The following AKAP6 variants were observed in gnomAD, a reference collection of about 807,000 sequenced individuals.
AKAP6 encodes A-kinase anchor protein 6.
AKAP6 carries 58 observed loss-of-function variants against 188.5 expected under a neutral mutation model. The observed-to-expected ratio is 0.31, with a 90% confidence interval of 0.25 to 0.38. The LOEUF (loss-of-function observed/expected upper bound fraction) is 0.38, where lower values mean the gene tolerates loss of function less well. Among genes scored for constraint, AKAP6 ranks in the 10% least tolerant of loss-of-function variants. The pLI is 1.00. For missense variants in AKAP6, 2,710 were observed against 2,740.0 expected, an observed-to-expected ratio of 0.99 and a Z score of 0.24; for synonymous variants, 989 against 998.6, an observed-to-expected ratio of 0.99 and a Z score of 0.18.
chr14:32,348,005 A>T (rs1268693514), intron 1 of AKAP6, among the ~76,000 whole-genome samples: 1 of 152,184 alleles, frequency 6.6e-6, no homozygotes, highest in Non-Finnish European at 1.5e-5. Context: ...CCTGAGGGAC[A>T]TTTGTGTGTA....
chr14:32,563,083 T>C (rs1884026090), intron 4 of AKAP6, among the ~76,000 whole-genome samples: 1 of 152,110 alleles, frequency 6.6e-6, no homozygotes, highest in Admixed American at 6.5e-5. Flanking sequence ...ACCAAAAGGA[T>C]GAATATTCAG....
intron 2 of AKAP6, among the ~76,000 whole-genome samples, chr14:32,529,717 T>G (rs1882310026): frequency 6.6e-6 from 1 of 152,200 alleles, no homozygotes; most frequent in Non-Finnish European, 1.5e-5. Flanking sequence ...GGGAAATCTA[T>G]CACTCTGTTT....
At chr14:32,659,453 G>A (rs1888594673) in intron 7 of AKAP6, among the ~76,000 whole-genome samples, 1 of 152,104 alleles carries the variant, frequency 6.6e-6, no homozygotes, top group African/African-American at 2.4e-5. Context: ...ATCTAAGAGA[G>A]CCATCAAGGG....
chr14:32,536,830 G>A (rs1202842649), intron 3 of AKAP6, among the ~76,000 whole-genome samples: 1 of 152,162 alleles, frequency 6.6e-6, no homozygotes, highest in Admixed American at 6.5e-5. Context: ...GCGGCTGTAT[G>A]TATACATATA....
At chr14:32,728,200 ATTTTTTTTTTTTTTTTTT>A (rs3033287) in intron 9 of AKAP6, among the ~76,000 whole-genome samples, 8 of 71,066 alleles carry the variant, frequency 1.1e-4, no homozygotes, top group African/African-American at 4.3e-4. Flanking sequence ...ACATCCCTGG[ATTTTTTTTTTTTTTTTTT>A]TTTTTTTTTT....
At chr14:32,662,634 C>T (rs914003704) in intron 7 of AKAP6, among the ~76,000 whole-genome samples, 1 of 152,054 alleles carries the variant, frequency 6.6e-6, no homozygotes, top group African/African-American at 2.4e-5. Flanking sequence ...CCCATTATGC[C>T]AGGCTATCCA....
intron 11 of AKAP6, among the ~76,000 whole-genome samples, chr14:32,757,495 G>T (rs1303284600): frequency 6.6e-6 from 1 of 152,218 alleles, no homozygotes; most frequent in African/African-American, 2.4e-5. Context: ...AAATAAGGAA[G>T]GGAATGTTTA....
chr14:32,345,272 C>A (rs1040373174), intron 1 of AKAP6, among the ~76,000 whole-genome samples: 1 of 152,156 alleles, frequency 6.6e-6, no homozygotes, highest in Admixed American at 6.5e-5. Flanking sequence ...AATGCTGTAT[C>A]TAGTTAACTT....
At chr14:32,582,683 C>T (rs1399286127) in intron 5 of AKAP6, among the ~76,000 whole-genome samples, 2 of 152,160 alleles carry the variant, frequency 1.3e-5, no homozygotes, top group Non-Finnish European at 2.9e-5. Context: ...GGGCTTTGTT[C>T]ATTTCTTTTT....
chr14:32,766,148 A>G lies in AKAP6; in HGVS notation c.3373-7530A>G, dbSNP rs185629337. 1.4e-3 allele frequency among the ~76,000 whole-genome samples: 210 copies of G among 152,278 alleles called. 2 individuals are homozygous for G. The highest frequency in any genetic ancestry group is 4.4e-3 in the African/African-American group (184 of 41,572). Reference sequence around the variant, plus strand: ...TTGTATCTGTCTTCTTTCACTTAATATGATGTTCTCAAGGTTCATCCATGT... The same window carrying G: ...TTGTATCTGTCTTCTTTCACTTAATGTGATGTTCTCAAGGTTCATCCATGT... On this transcript the variant is annotated intron_variant, in intron 11 of 13. Transcript: ENST00000280979.
intron 1 of AKAP6, among the ~76,000 whole-genome samples, chr14:32,394,996 G>A (rs954510830): frequency 5.3e-5 from 8 of 152,016 alleles, no homozygotes; most frequent in Admixed American, 2.6e-4. Context: ...CCTTCTCAGG[G>A]GCCTTGGTTA....
intron 2 of AKAP6, among the ~76,000 whole-genome samples, chr14:32,486,231 G>GTTTGAAGTCAGGTAGTATAA (rs1879680508): frequency 6.6e-6 from 1 of 152,190 alleles, no homozygotes; most frequent in African/African-American, 2.4e-5. Context: ...TTGTAGTATA[G>GTTTGAAGTCAGGTAGTATAA]TTTGAAGTCA....
At chr14:32,828,527 TCTCACA>T (rs1324417767) in intron 13 of AKAP6, among the ~76,000 whole-genome samples, 1,640 of 76,534 alleles carry the variant, frequency 0.021, 11 homozygotes, top group East Asian at 0.035. Context: ...TCTCTCTCTC[TCTCACA>T]CACACACACA....
At chr14:32,736,961 T>C (rs1292248629) in intron 11 of AKAP6, among the ~76,000 whole-genome samples, 1 of 152,178 alleles carries the variant, frequency 6.6e-6, no homozygotes, top group Non-Finnish European at 1.5e-5. Context: ...CCTCCTCTTC[T>C]GCCACTTAAC....
chr14:32,471,740 T>G (rs1314351612), intron 2 of AKAP6, among the ~76,000 whole-genome samples: 1 of 152,194 alleles, frequency 6.6e-6, no homozygotes, highest in Non-Finnish European at 1.5e-5. Context: ...GTATAAACTG[T>G]TTTTATTATC....
intron 1 of AKAP6, among the ~76,000 whole-genome samples, chr14:32,365,075 C>A (rs1371885480): frequency 6.6e-6 from 1 of 152,126 alleles, no homozygotes; most frequent in Admixed American, 6.5e-5. Context: ...TAGGCTTGCA[C>A]TGAGTCCCCA....
At chr14:32,501,536 G>T (rs936098083) in intron 2 of AKAP6, among the ~76,000 whole-genome samples, 1 of 152,076 alleles carries the variant, frequency 6.6e-6, no homozygotes, top group African/African-American at 2.4e-5. Context: ...CTAACTAACT[G>T]CCCAGGGCAC....
intron 1 of AKAP6, among the ~76,000 whole-genome samples, chr14:32,378,102 A>C (rs1888219170): frequency 6.6e-6 from 1 of 152,170 alleles, no homozygotes; most frequent in Non-Finnish European, 1.5e-5. Flanking sequence ...TAACTCTCAA[A>C]ATTTTTCATA....
At chr14:32,574,837 G>T (rs529459971) in intron 4 of AKAP6, among the ~76,000 whole-genome samples, 1 of 152,168 alleles carries the variant, frequency 6.6e-6, no homozygotes, top group Non-Finnish European at 1.5e-5. Flanking sequence ...ACAGATGACA[G>T]ACAATACTTC....
Sources: allele counts gnomAD v4.1 joint callset (sites outside exome capture counted in the v4.1 genomes callset), GRCh38; gene constraint gnomAD v4.1.1; transcripts MANE v1.5; gene names NCBI Gene and HGNC (gene_info 2026-07-23, HGNC 2026-07-21).